The following ZKSCAN2 variants were observed in gnomAD, a reference collection of about 807,000 sequenced individuals.
ZKSCAN2 encodes zinc finger protein with KRAB and SCAN domains 2.
Under a neutral mutation model 90.5 loss-of-function variants are expected in ZKSCAN2, and 38 were observed. The observed-to-expected ratio is 0.42, with a 90% CI of 0.32 to 0.55. ZKSCAN2 has a LOEUF of 0.55. ZKSCAN2 is among the 20% of genes least tolerant of loss of function. ZKSCAN2 has a pLI of 0.11. For synonymous variants in ZKSCAN2, 429 were observed against 421.6 expected (o/e 1.02, Z -0.22); for missense variants, 1,167 against 1,202.6 (o/e 0.97, Z 0.44).
chr16:25,255,315 C>G lies in ZKSCAN2; in HGVS notation c.477G>C (p.Gln159His). 6.2e-7 allele frequency: 1 copy of G among 1,613,880 alleles called. No individual in the cohort carries two copies. Among genetic ancestry groups the G allele is most frequent in the Non-Finnish European group, 8.5e-7 (1 of 1,179,960 alleles). The part of the protein sequence containing the change: ...AWEVADFQPE[Q>H]VETQPRAVSR... The stretch of plus-strand genomic sequence containing the variant: ...ACACCGCCCTGGGTTGGGTCTCCAC[C>G]TGCTCTGGCTGGAAGTCTGCCACCT... Residue 159 changes from glutamine (Q) to histidine (H), a missense_variant, in exon 2 of 7, where the codon CAG (glutamine) becomes CAC (histidine). Coordinates refer to ENST00000328086, the MANE Select transcript of ZKSCAN2 (RefSeq NM_001012981.5).
intron 6 of ZKSCAN2, among the ~76,000 whole-genome samples, chr16:25,242,473 T>C (rs1333048803): frequency 1.3e-5 from 2 of 152,204 alleles, no homozygotes; most frequent in Non-Finnish European, 2.9e-5. Context: ...TCTAGTGTTA[T>C]GGGAAGACGG....
chr16:25,257,680 C>T lies in ZKSCAN2; in HGVS notation c.-553G>A. ...CCGGGCTCTTTCGGGCCCACGACGG[C>T]CCCGACCGTCCTGAGGAAACCGCTG... On this transcript the variant is annotated 5_prime_UTR_variant, in exon 1 of 7. Coordinates refer to ENST00000328086, the MANE Select transcript of ZKSCAN2 (RefSeq NM_001012981.5). 1 of 191,502 alleles carries T rather than the reference C, an allele frequency of 5.2e-6. No homozygotes were observed. The highest frequency in any genetic ancestry group is 9.6e-6 in the Non-Finnish European group (1 of 104,086). 11.9% of individuals were successfully genotyped at this position (191,502 alleles called of 1,614,324 possible). A position where few individuals can be genotyped will look rare whatever the true frequency, so the allele number is the denominator to read the frequency against.
At position 25,257,510 on chromosome 16, in the gene ZKSCAN2, CG is replaced by C. The variant is rs1963127950; in HGVS notation, c.-384del. On this transcript the variant is annotated 5_prime_UTR_variant, in exon 1 of 7. Coordinates refer to ENST00000328086, the MANE Select transcript of ZKSCAN2 (RefSeq NM_001012981.5). ...CGGGAGGGGGTGTGTCCGCTACTCC[CG>C]GGTCGGGCGCGGAGAGGCGAGTCCC... 2 of 993,518 alleles carry C rather than the reference CG, an allele frequency of 2.0e-6. No individual in the cohort carries two copies. Among genetic ancestry groups the C allele is most frequent in the Admixed American group, 1.2e-4 (2 of 16,492 alleles). The allele number at this position is 993,518 out of a possible 1,614,324, so 61.5% of individuals were successfully genotyped here. A position where few individuals can be genotyped will look rare whatever the true frequency, so the allele number is the denominator to read the frequency against.
chr16:25,249,797 C>CA (rs2141366903), intron 4 of ZKSCAN2, among the ~76,000 whole-genome samples: 1 of 152,176 alleles, frequency 6.6e-6, no homozygotes, highest in Admixed American at 6.5e-5. Context: ...GGAGGCTCCT[C>CA]AAAAAATCAG....
chr16:25,240,799 G>T, intron 6 of ZKSCAN2, 61 bp from the exon 7 acceptor site: 1 of 1,395,914 alleles, frequency 7.2e-7, no homozygotes. Flanking sequence ...TAAACAACCT[G>T]GCTTGCAAGG....
At position 25,257,564 on chromosome 16, in the gene ZKSCAN2, C is replaced by T. The variant is rs1963129743; in HGVS notation, c.-437G>A. 3.1e-6 allele frequency: 3 copies of T among 965,292 alleles called. No homozygotes were observed. Among genetic ancestry groups the T allele is most frequent in the Non-Finnish European group, 3.7e-6 (3 of 811,480 alleles). 59.8% of individuals were successfully genotyped at this position (965,292 alleles called of 1,614,324 possible). A position where few individuals can be genotyped will look rare whatever the true frequency, so the allele number is the denominator to read the frequency against. ...AGTGGGTGGGGCCGGATGTGCAGGC[C>T]CCGCCCGGCGCCAGGTTCCGGGCTC... On this transcript the variant is annotated 5_prime_UTR_variant, in exon 1 of 7. Transcript: ENST00000328086.
At chr16:25,240,762 A>C (rs985824574) in intron 6 of ZKSCAN2, 24 bp from the exon 7 acceptor site, 44 of 1,593,266 alleles carry the variant, frequency 2.8e-5, no homozygotes, top group Non-Finnish European at 3.6e-5. Flanking sequence ...AGACAATACA[A>C]ATTTTATACA....
intron 5 of ZKSCAN2, among the ~76,000 whole-genome samples, chr16:25,245,505 C>G (rs376427729): frequency 2.6e-5 from 4 of 152,256 alleles, no homozygotes; most frequent in African/African-American, 7.2e-5. Flanking sequence ...GTGGCTCATG[C>G]CTGTAATCCC....
intron 4 of ZKSCAN2, among the ~76,000 whole-genome samples, chr16:25,248,854 C>A (rs1027739986): frequency 6.6e-6 from 1 of 152,144 alleles, no homozygotes; most frequent in African/African-American, 2.4e-5. Flanking sequence ...ATGTTCACTG[C>A]AGCATTATTC....
At chr16:25,243,759 T>TAAAACTCCTTGGTTTTACACC in intron 6 of ZKSCAN2, 26 bp downstream of exon 6, 2 of 1,558,624 alleles carry the variant, frequency 1.3e-6, no homozygotes, top group African/African-American at 1.4e-5. Flanking sequence ...TCTTTTGGAC[T>TAAAACTCCTTGGTTTTACACC]AAAACTCCTT....
chr16:25,246,623 G>A (rs896437956), intron 5 of ZKSCAN2, 84 bp downstream of exon 5: 23 of 1,445,974 alleles, frequency 1.6e-5, no homozygotes, highest in African/African-American at 5.6e-5. Flanking sequence ...AGCACCCCCC[G>A]GGTTTGGCCA....
intron 6 of ZKSCAN2, among the ~76,000 whole-genome samples, chr16:25,242,213 C>T (rs1452961214): frequency 2.0e-5 from 3 of 152,090 alleles, no homozygotes; most frequent in African/African-American, 4.8e-5. Context: ...CATTGTTCTG[C>T]GATTTGGAGG....
intron 6 of ZKSCAN2, among the ~76,000 whole-genome samples, chr16:25,241,460 T>C (rs528180073): frequency 3.2e-4 from 48 of 152,208 alleles, no homozygotes; most frequent in Non-Finnish European, 5.6e-4. Flanking sequence ...TATTAACTTA[T>C]GGAAAATTCA....
chr16:25,246,663 C>A, intron 5 of ZKSCAN2, 44 bp downstream of exon 5: 1 of 1,606,026 alleles, frequency 6.2e-7, no homozygotes, highest in Non-Finnish European at 8.5e-7. Flanking sequence ...TCCACAAGAT[C>A]ACACATCTGT....
At position 25,244,125 on chromosome 16, in the gene ZKSCAN2, T is replaced by C. The variant is rs760696292; in HGVS notation, c.1641A>G (p.Pro547=). The C allele has an allele frequency of 1.2e-6, 2 of 1,614,188 alleles. No homozygotes were observed. The highest frequency in any genetic ancestry group is 1.7e-6 in the Non-Finnish European group (2 of 1,180,026). The change falls in exon 6 of 7, where the codon CCA becomes CCG. Residue 547 remains proline, a synonymous_variant. Transcript: ENST00000328086. ...TTTTGAACTTGGTTCGGCACTGTTC[T>C]GGTGTCCGGAGGAAGCCGCACTCTC... ...QLRECGFLRT[P]EQCRTKFKSL...
chr16:25,246,645 C>T (rs761869225), intron 5 of ZKSCAN2, 62 bp downstream of exon 5: 143 of 1,588,722 alleles, frequency 9.0e-5, no homozygotes, highest in Non-Finnish European at 1.2e-4. Flanking sequence ...TTCTGGTCTA[C>T]TCCTTTTTCC....
Position 25,255,309 on chromosome 16 carries a change from C to G in ZKSCAN2, c.483G>C (p.Glu161Asp). The change falls in exon 2 of 7, where the codon GAG becomes GAC. Residue 161 changes from glutamate (E) to aspartate (D), a missense_variant. Transcript: ENST00000328086. ...CCCGAGACACCGCCCTGGGTTGGGTCTCCACCTGCTCTGGCTGGAAGTCTG... is the reference window on the plus strand; with the variant it reads ...CCCGAGACACCGCCCTGGGTTGGGTGTCCACCTGCTCTGGCTGGAAGTCTG... The part of the protein sequence containing the change: ...EVADFQPEQV[E>D]TQPRAVSREE... 1 of 1,613,898 alleles carries G rather than the reference C, an allele frequency of 6.2e-7. No individual in the cohort carries two copies. Among genetic ancestry groups the G allele is most frequent in the Non-Finnish European group, 8.5e-7 (1 of 1,179,966 alleles).
chr16:25,248,333 A>C (rs1382890238), intron 4 of ZKSCAN2, among the ~76,000 whole-genome samples: 1 of 150,006 alleles, frequency 6.7e-6, no homozygotes, highest in African/African-American at 2.4e-5. Flanking sequence ...CAACAAAAAC[A>C]GTCAACAAAG....
chr16:25,254,756 T>C (rs1963071290), intron 2 of ZKSCAN2, among the ~76,000 whole-genome samples: 2 of 152,012 alleles, frequency 1.3e-5, no homozygotes, highest in Non-Finnish European at 1.5e-5. Context: ...CAGGATCTCA[T>C]AGCTGGCCCA....
Sources: gnomAD v4.1 joint callset for allele counts (sites outside exome capture counted in the v4.1 genomes callset) on GRCh38, gnomAD v4.1.1 for gene constraint, MANE v1.5 for transcripts, NCBI Gene and HGNC (gene_info 2026-07-23, HGNC 2026-07-21) for gene names.